Variants in EYS observed in about 807,000 individuals in gnomAD.
EYS encodes EGF-like photoreceptor maintenance factor.
In EYS, 250 loss-of-function variants were observed where a neutral mutation model predicts 282.1. That is an observed-to-expected ratio of 0.89 (90% CI 0.80 to 0.98). EYS has a LOEUF of 0.98. EYS is among the 50% of genes least tolerant of loss of function. The probability of loss-of-function intolerance (pLI) is 0.00; values close to 1 mark genes in which losing one functional copy is unlikely to be tolerated. For synonymous variants in EYS, 1,355 were observed against 1,282.9 expected, an observed-to-expected ratio of 1.06 and a Z score of -1.20; for missense variants, 4,016 against 3,709.0, an observed-to-expected ratio of 1.08 and a Z score of -2.15.
intron 12 of EYS, among the ~76,000 whole-genome samples, chr6:65,071,053 T>C (rs1773888804): frequency 6.6e-6 from 1 of 151,848 alleles, no homozygotes; most frequent in Non-Finnish European, 1.5e-5. Context: ...CCTTAAGAAA[T>C]GGTCATTCTT....
intron 36 of EYS, among the ~76,000 whole-genome samples, chr6:63,812,021 C>T (rs1007225287): frequency 6.6e-6 from 1 of 152,156 alleles, no homozygotes; most frequent in African/African-American, 2.4e-5. Context: ...CGTGTTGCTA[C>T]CTTTATCACT....
At chr6:65,401,150 T>A (rs180871011) in intron 7 of EYS, among the ~76,000 whole-genome samples, 104 of 152,070 alleles carry the variant, frequency 6.8e-4, no homozygotes, top group Middle Eastern at 3.4e-3. Flanking sequence ...CATAAGTTAG[T>A]AACACACAGA....
chr6:64,165,200 T>C (rs1456768430), intron 31 of EYS, among the ~76,000 whole-genome samples: 1 of 151,992 alleles, frequency 6.6e-6, no homozygotes, highest in Non-Finnish European at 1.5e-5. Flanking sequence ...AAAAGCAGAG[T>C]GTCTATTTTA....
chr6:65,660,125 G>T (rs897705935), intron 1 of EYS, among the ~76,000 whole-genome samples: 9 of 151,734 alleles, frequency 5.9e-5, no homozygotes, highest in Middle Eastern at 3.2e-3. Context: ...AAAAGATCAT[G>T]AAACCAACAG....
At chr6:65,327,937 T>C (rs1769670083) in intron 11 of EYS, among the ~76,000 whole-genome samples, 1 of 151,554 alleles carries the variant, frequency 6.6e-6, no homozygotes, top group South Asian at 2.1e-4. Flanking sequence ...TGAAAAATAT[T>C]TATTGACTTA....
chr6:63,941,206 G>C (rs1233024540), intron 35 of EYS, among the ~76,000 whole-genome samples: 4 of 152,080 alleles, frequency 2.6e-5, no homozygotes, highest in African/African-American at 7.2e-5. Flanking sequence ...CCCAGTAATG[G>C]GATGGCTGGG....
chr6:63,844,324 A>G (rs776968302), intron 36 of EYS, among the ~76,000 whole-genome samples: 1 of 152,202 alleles, frequency 6.6e-6, no homozygotes, highest in Non-Finnish European at 1.5e-5. Flanking sequence ...ATACGCATGC[A>G]AGCATCTTTA....
chr6:64,194,235 T>C (rs1279055564), intron 31 of EYS, among the ~76,000 whole-genome samples: 1 of 152,184 alleles, frequency 6.6e-6, no homozygotes, highest in Admixed American at 6.5e-5. Flanking sequence ...CCAACACACA[T>C]ACCTTGTTCT....
At chr6:65,173,836 C>G (rs1765166513) in intron 12 of EYS, among the ~76,000 whole-genome samples, 1 of 151,170 alleles carries the variant, frequency 6.6e-6, no homozygotes, top group African/African-American at 2.4e-5. Flanking sequence ...ATTAGAGTTA[C>G]TTGAAATTTA....
intron 26 of EYS, among the ~76,000 whole-genome samples, chr6:64,562,192 A>C (rs1765418434): frequency 6.6e-6 from 1 of 151,820 alleles, no homozygotes; most frequent in South Asian, 2.1e-4. Context: ...TTTAGGATTA[A>C]GCTCTTCTTC....
intron 31 of EYS, among the ~76,000 whole-genome samples, chr6:64,171,472 T>C (rs187929498): frequency 1.7e-3 from 265 of 152,292 alleles, no homozygotes; most frequent in African/African-American, 6.1e-3. Context: ...TATAGCCATA[T>C]CTATGCTTTA....
chr6:63,872,477 G>GTTTTTTT (rs3041455), intron 35 of EYS, among the ~76,000 whole-genome samples: 10 of 119,390 alleles, frequency 8.4e-5, no homozygotes, highest in South Asian at 2.7e-4. Flanking sequence ...CCTAAATATG[G>GTTTTTTT]TTTTTTTTTT....
At chr6:65,471,229 C>CA (rs527251318) in intron 5 of EYS, among the ~76,000 whole-genome samples, 25,744 of 96,528 alleles carry the variant, frequency 0.27, 2,971 homozygotes, top group South Asian at 0.31. Flanking sequence ...CTCATCTTTA[C>CA]AAAAAAAAAA....
intron 11 of EYS, among the ~76,000 whole-genome samples, chr6:65,311,001 G>C (rs1354010088): frequency 1.3e-5 from 2 of 151,964 alleles, no homozygotes; most frequent in Non-Finnish European, 2.9e-5. Flanking sequence ...GCACATAATC[G>C]ATACCCATTA....
At chr6:63,864,499 C>CCT in intron 35 of EYS, 141 bp from the exon 36 acceptor site, 1 of 515,310 alleles carries the variant, frequency 1.9e-6, no homozygotes, top group Non-Finnish European at 3.2e-6. Flanking sequence ...TTTTCTCCCT[C>CCT]TTTTCTGTTT....
chr6:65,033,918 A>G (rs1458820747), intron 13 of EYS, among the ~76,000 whole-genome samples: 1 of 152,190 alleles, frequency 6.6e-6, no homozygotes, highest in Admixed American at 6.5e-5. Flanking sequence ...TTCAATTCCA[A>G]TCTGTGAGAG....
rs75683163 is a variant in EYS, at chr6:65,662,004, C to T, written c.-447-22112G>A. 3.3e-4 allele frequency among the ~76,000 whole-genome samples: 50 copies of T among 152,062 alleles called. No homozygotes were observed. In the East Asian group the frequency reaches 8.1e-3, roughly 25 times the overall value. On this transcript the variant is annotated intron_variant, in intron 1 of 42. Coordinates refer to ENST00000503581, the MANE Select transcript of EYS (RefSeq NM_001142800.2). ...CAGCTAAGGCAAAGTTAATAATCAC[C>T]AGAGATTAGACAGTAGGGAAGAAAC...
chr6:64,254,638 G>A (rs972408756), intron 30 of EYS, among the ~76,000 whole-genome samples: 4 of 152,134 alleles, frequency 2.6e-5, no homozygotes, highest in African/African-American at 9.6e-5. Flanking sequence ...TGTTCCCTGG[G>A]CCCAGGGATG....
chr6:64,125,143 A>ACTCT (rs1562213495), intron 31 of EYS, among the ~76,000 whole-genome samples: 12 of 147,378 alleles, frequency 8.1e-5, no homozygotes, highest in African/African-American at 2.9e-4. Context: ...ACACACACAC[A>ACTCT]CACACTCTCT....
Sources: allele counts gnomAD v4.1 joint callset (sites outside exome capture counted in the v4.1 genomes callset), GRCh38; gene constraint gnomAD v4.1.1; transcripts MANE v1.5; gene names NCBI Gene and HGNC (gene_info 2026-07-23, HGNC 2026-07-21).